ZNF804B: variants seen among roughly 807,000 people sequenced by gnomAD.
The protein encoded by ZNF804B is zinc finger protein 804B, also known as zinc finger 804B.
In ZNF804B, 80 loss-of-function variants were observed where a neutral mutation model predicts 101.4. The observed-to-expected ratio is 0.79, with a 90% CI of 0.66 to 0.95. The LOEUF is 0.95. Ranked by LOEUF, ZNF804B falls within the 40% of genes least tolerant of loss-of-function variation. ZNF804B has a pLI of 0.00. For missense variants in ZNF804B, 1,673 were observed against 1,561.9 expected (o/e 1.07, Z -1.20); for synonymous variants, 622 against 558.8 (o/e 1.11, Z -1.59).
At chr7:89,267,744 G>A (rs1176518874) in intron 2 of ZNF804B, among the ~76,000 whole-genome samples, 1 of 152,112 alleles carries the variant, frequency 6.6e-6, no homozygotes, top group East Asian at 1.9e-4. Flanking sequence ...TTGAATAAGA[G>A]AAGAAATGCT....
intron 1 of ZNF804B, among the ~76,000 whole-genome samples, chr7:89,129,825 C>T (rs1790521087): frequency 6.6e-6 from 1 of 151,960 alleles, no homozygotes; most frequent in Non-Finnish European, 1.5e-5. Flanking sequence ...CCAATCCATG[C>T]TGGATACTTT....
chr7:89,304,946 A>G (rs1790537559), intron 2 of ZNF804B, among the ~76,000 whole-genome samples: 2 of 152,006 alleles, frequency 1.3e-5, no homozygotes, highest in Non-Finnish European at 2.9e-5. Flanking sequence ...ATTTTCACCT[A>G]GAAAGATTTT....
intron 2 of ZNF804B, among the ~76,000 whole-genome samples, chr7:89,293,380 C>T (rs941058050): frequency 2.0e-5 from 3 of 152,014 alleles, no homozygotes; most frequent in African/African-American, 4.8e-5. Context: ...AAAAGTTATA[C>T]AATTGTTATT....
At chr7:89,332,346 A>T (rs1243538486) in intron 3 of ZNF804B, among the ~76,000 whole-genome samples, 1 of 151,900 alleles carries the variant, frequency 6.6e-6, no homozygotes, top group East Asian at 1.9e-4. Context: ...TGGAAGAGAT[A>T]CCAGTTGGCT....
At chr7:89,025,338 G>T (rs1788733019) in intron 1 of ZNF804B, among the ~76,000 whole-genome samples, 1 of 152,052 alleles carries the variant, frequency 6.6e-6, no homozygotes, top group Admixed American at 6.6e-5. Flanking sequence ...ACATATTACA[G>T]TTTGAGTCAT....
rs115402228 is a variant in ZNF804B, at chr7:89,026,646, C to T, written c.109-191509C>T. Among the ~76,000 whole-genome samples the T allele has an allele frequency of 8.1e-3, 1,237 of 152,106 alleles. 16 individuals are homozygous for T. The highest frequency in any genetic ancestry group is 0.028 in the African/African-American group (1,173 of 41,504). On this transcript the variant is annotated intron_variant, in intron 1 of 3. Transcript: ENST00000333190. Reference sequence around the variant, plus strand: ...CAGAGGCACAAATGATAGAACCTAACGACTGAAATGATCTTGGGAAAAAGG... The same window carrying T: ...CAGAGGCACAAATGATAGAACCTAATGACTGAAATGATCTTGGGAAAAAGG...
intron 2 of ZNF804B, among the ~76,000 whole-genome samples, chr7:89,307,265 A>G (rs1356476883): frequency 5.3e-5 from 8 of 152,044 alleles, no homozygotes; most frequent in Non-Finnish European, 7.4e-5. Context: ...AAAGCACACA[A>G]TGAACCATGC....
intron 1 of ZNF804B, among the ~76,000 whole-genome samples, chr7:89,146,682 A>G (rs1790794414): frequency 6.6e-6 from 1 of 151,962 alleles, no homozygotes; most frequent in Non-Finnish European, 1.5e-5. Context: ...GGCTCAGTCG[A>G]ATTAGGATAA....
At position 89,068,287 on chromosome 7, in the gene ZNF804B, CAT is replaced by C. The variant is rs1349683091; in HGVS notation, c.109-149867_109-149866del. Among the ~76,000 whole-genome samples the C allele has an allele frequency of 4.0e-5, 6 of 151,702 alleles. No individual in the cohort carries two copies. In the East Asian group the frequency reaches 1.2e-3, roughly 29 times the overall value. On this transcript the variant is annotated intron_variant, in intron 1 of 3. Coordinates refer to ENST00000333190, the MANE Select transcript of ZNF804B (RefSeq NM_181646.5). ...TTTGTTACTTTCCATAATAAGAGTA[CAT>C]GTCTAGAATATTTTATATATTACTG...
chr7:89,082,488 A>T (rs10262573), intron 1 of ZNF804B, among the ~76,000 whole-genome samples: 45,015 of 151,422 alleles, frequency 0.3, 7,057 homozygotes, highest in East Asian at 0.52. Flanking sequence ...TTCAAAGCAA[A>T]ACAAAATACT....
intron 2 of ZNF804B, among the ~76,000 whole-genome samples, chr7:89,230,259 A>G (rs1789168910): frequency 6.6e-6 from 1 of 151,934 alleles, no homozygotes; most frequent in Non-Finnish European, 1.5e-5. Flanking sequence ...GATACAGTTA[A>G]TGTATCTTTA....
intron 1 of ZNF804B, among the ~76,000 whole-genome samples, chr7:89,013,715 T>A (rs982694124): frequency 1.3e-5 from 2 of 152,128 alleles, no homozygotes; most frequent in African/African-American, 4.8e-5. Context: ...AGAACGTAGT[T>A]CTCCTAACTA....
At chr7:88,857,438 C>T (rs181778408) in intron 1 of ZNF804B, among the ~76,000 whole-genome samples, 2 of 152,172 alleles carry the variant, frequency 1.3e-5, no homozygotes, top group East Asian at 3.9e-4. Flanking sequence ...GATATCACCA[C>T]CGATCCCACA....
chr7:89,333,417 A>C lies in ZNF804B; in HGVS notation c.435A>C (p.Gln145His), dbSNP rs761738065. The change falls in exon 4 of 4, where the codon CAA becomes CAC. Residue 145 changes from glutamine to histidine, a missense_variant. Coordinates refer to ENST00000333190, the MANE Select transcript of ZNF804B (RefSeq NM_181646.5). ...YKAPRVAIEKQLQQGIFPIKN... is the reference protein window; with the variant it reads ...YKAPRVAIEKHLQQGIFPIKN... ...CCCCCAGGGTAGCCATAGAAAAGCA[A>C]CTCCAGCAAGGAATTTTCCCCATTA... is the stretch of plus-strand genomic sequence containing the variant. 3 of 1,612,606 alleles carry C rather than the reference A, an allele frequency of 1.9e-6. No homozygotes were observed. In the South Asian group the frequency reaches 3.3e-5, roughly 18 times the overall value.
intron 1 of ZNF804B, among the ~76,000 whole-genome samples, chr7:88,979,353 T>G (rs1159556215): frequency 3.9e-5 from 6 of 151,972 alleles, no homozygotes; most frequent in Non-Finnish European, 1.5e-5. Flanking sequence ...TAGCATTTCT[T>G]GTAGGACATG....
intron 1 of ZNF804B, among the ~76,000 whole-genome samples, chr7:89,162,257 T>C (rs190499260): frequency 1.3e-5 from 2 of 152,254 alleles, no homozygotes; most frequent in Admixed American, 1.3e-4. Flanking sequence ...AATTCCCCAA[T>C]GAGTTCTGAA....
intron 1 of ZNF804B, among the ~76,000 whole-genome samples, chr7:88,903,833 T>C (rs1162810662): frequency 6.6e-6 from 1 of 152,196 alleles, no homozygotes; most frequent in African/African-American, 2.4e-5. Flanking sequence ...AAGCTCCTTA[T>C]GGACTCTGGA....
chr7:89,188,122 G>C (rs1220942531), intron 1 of ZNF804B, among the ~76,000 whole-genome samples: 1 of 151,780 alleles, frequency 6.6e-6, no homozygotes, highest in Non-Finnish European at 1.5e-5. Flanking sequence ...CATCAAACAA[G>C]TCTACATGTG....
At chr7:89,206,682 G>T (rs181500396) in intron 1 of ZNF804B, among the ~76,000 whole-genome samples, 68 of 152,214 alleles carry the variant, frequency 4.5e-4, no homozygotes, top group Non-Finnish European at 8.1e-4. Flanking sequence ...AACCCAGGAG[G>T]TGGAAGTTGC....
Sources: gnomAD v4.1 joint callset for allele counts (sites outside exome capture counted in the v4.1 genomes callset) on GRCh38, gnomAD v4.1.1 for gene constraint, MANE v1.5 for transcripts, NCBI Gene and HGNC (gene_info 2026-07-23, HGNC 2026-07-21) for gene names.